Variants in DLGAP2 observed in about 807,000 individuals in gnomAD.
DLGAP2 encodes the protein DLG associated protein 2.
Under a neutral mutation model 100.3 loss-of-function variants are expected in DLGAP2, and 26 were observed. That is an observed-to-expected ratio of 0.26 (90% CI 0.19 to 0.36). The LOEUF is 0.36. Ranked by LOEUF, DLGAP2 falls within the 10% of genes least tolerant of loss-of-function variation. The pLI, the probability that DLGAP2 is intolerant of heterozygous loss-of-function variation, is 1.00. For missense variants in DLGAP2, 1,858 were observed against 1,453.2 expected (o/e 1.28, Z -4.53); for synonymous variants, 886 against 630.1 (o/e 1.41, Z -6.08).
chr8:1,577,185 T>C (rs181192651), intron 6 of DLGAP2, among the ~76,000 whole-genome samples: 7 of 152,186 alleles, frequency 4.6e-5, no homozygotes, highest in African/African-American at 1.7e-4. Flanking sequence ...GATAGCTGTG[T>C]TAATTCACTT....
intron 2 of DLGAP2, among the ~76,000 whole-genome samples, chr8:1,131,937 A>G (rs985148943): frequency 6.6e-6 from 1 of 152,212 alleles, no homozygotes; most frequent in Admixed American, 6.5e-5. Flanking sequence ...GTATCTTCAT[A>G]AGTGTGACTG....
intron 2 of DLGAP2, among the ~76,000 whole-genome samples, chr8:1,061,282 C>T (rs1002193044): frequency 6.6e-6 from 1 of 152,122 alleles, no homozygotes; most frequent in African/African-American, 2.4e-5. Flanking sequence ...TGAAAATATG[C>T]CCGAACACCT....
intron 6 of DLGAP2, among the ~76,000 whole-genome samples, chr8:1,580,269 G>C (rs1803177733): frequency 6.6e-6 from 1 of 152,210 alleles, no homozygotes; most frequent in Admixed American, 6.5e-5. Context: ...GGAAGCAGTG[G>C]AGAGAGGAGA....
chr8:1,424,507 C>G (rs1434082600), intron 3 of DLGAP2, among the ~76,000 whole-genome samples: 1 of 152,226 alleles, frequency 6.6e-6, no homozygotes, highest in Non-Finnish European at 1.5e-5. Flanking sequence ...GAAGGAAATT[C>G]TACACATCCT....
At chr8:1,057,456 C>T (rs975523777) in intron 2 of DLGAP2, among the ~76,000 whole-genome samples, 2 of 152,202 alleles carry the variant, frequency 1.3e-5, no homozygotes, top group African/African-American at 2.4e-5. Flanking sequence ...AGGGCTAAGT[C>T]TTTAATTGAT....
Position 1,446,526 on chromosome 8 carries a change from G to T in DLGAP2, c.107-54840G>T, listed in dbSNP as rs553811219. The stretch of plus-strand genomic sequence containing the variant: ...AGTATAGTTTGAAGTCAGGTAGTGT[G>T]ATGCCTCCAGCTTTGTTCTTTTGGC... On this transcript the variant is annotated intron_variant, in intron 3 of 14. Transcript: ENST00000637795. Among the ~76,000 whole-genome samples the T allele has an allele frequency of 1.1e-3, 173 of 152,292 alleles. 1 individual carries two copies. Among genetic ancestry groups the T allele is most frequent in the Non-Finnish European group, 1.7e-3 (118 of 68,026 alleles).
intron 3 of DLGAP2, among the ~76,000 whole-genome samples, chr8:1,452,924 C>A (rs1429072570): frequency 6.6e-6 from 1 of 152,126 alleles, no homozygotes. Flanking sequence ...TGAGCCCCCA[C>A]CATGCAGTGG....
intron 2 of DLGAP2, among the ~76,000 whole-genome samples, chr8:1,202,102 G>A (rs186308475): frequency 1.2e-4 from 18 of 152,136 alleles, no homozygotes; most frequent in African/African-American, 3.9e-4. Flanking sequence ...GTGTGCACAT[G>A]TGTACAGCAT....
intron 2 of DLGAP2, among the ~76,000 whole-genome samples, chr8:1,168,153 T>C (rs946967994): frequency 2.0e-5 from 3 of 150,594 alleles, no homozygotes; most frequent in African/African-American, 7.3e-5. Context: ...GTTCTTGCCA[T>C]AGTTTACTGA....
At chr8:879,449 G>A (rs1228100839) in intron 1 of DLGAP2, among the ~76,000 whole-genome samples, 1 of 152,208 alleles carries the variant, frequency 6.6e-6, no homozygotes, top group African/African-American at 2.4e-5. Flanking sequence ...CCAGGTGGGG[G>A]TGTTGAGCGC....
chr8:1,081,109 A>G (rs1256519494), intron 2 of DLGAP2, among the ~76,000 whole-genome samples: 1 of 152,174 alleles, frequency 6.6e-6, no homozygotes, highest in African/African-American at 2.4e-5. Flanking sequence ...ATCATTTTTT[A>G]CAATTGAAAT....
intron 2 of DLGAP2, among the ~76,000 whole-genome samples, chr8:1,242,165 C>T (rs538475157): frequency 1.8e-4 from 27 of 152,260 alleles, no homozygotes; most frequent in African/African-American, 3.8e-4. Flanking sequence ...TTAATTAACA[C>T]GAAGACACTA....
At chr8:883,030 C>T (rs1797842456) in intron 1 of DLGAP2, among the ~76,000 whole-genome samples, 1 of 152,264 alleles carries the variant, frequency 6.6e-6, no homozygotes, top group Non-Finnish European at 1.5e-5. Context: ...GGTCCTCTAA[C>T]ACAATCTTCC....
intron 2 of DLGAP2, among the ~76,000 whole-genome samples, chr8:1,095,419 C>T (rs1387018209): frequency 1.3e-5 from 2 of 152,164 alleles, no homozygotes; most frequent in Non-Finnish European, 2.9e-5. Flanking sequence ...TTGTTGGGAT[C>T]CTCCATCAGG....
rs539488439 is a variant in DLGAP2 at position 1,553,294 on chromosome 8, T to C, written c.1230+3611T>C. Among the ~76,000 whole-genome samples the C allele has an allele frequency of 8.2e-4, 125 of 152,296 alleles. 2 individuals are homozygous for C. The highest frequency in any genetic ancestry group is 6.8e-3 in the Middle Eastern group (2 of 294). On this transcript the variant is annotated intron_variant, in intron 5 of 14. Transcript: ENST00000637795. ...CTTCTAGTGTCTTCCCCACCTGGCG[T>C]CGCCCGGCCGCAACCCTGGCCCTCC... is the stretch of plus-strand genomic sequence containing the variant.
chr8:1,521,563 C>G (rs868328647), intron 4 of DLGAP2, among the ~76,000 whole-genome samples: 47 of 11,532 alleles, frequency 4.1e-3, no homozygotes, highest in African/African-American at 0.012. Context: ...TCGGGGGCAG[C>G]TGATATGGGG....
intron 3 of DLGAP2, among the ~76,000 whole-genome samples, chr8:1,316,373 A>G (rs1366350901): frequency 7.2e-6 from 1 of 139,764 alleles, no homozygotes; most frequent in Non-Finnish European, 1.5e-5. Context: ...ACGGTGGTCT[A>G]CACTCGAGAA....
intron 2 of DLGAP2, among the ~76,000 whole-genome samples, chr8:1,009,827 A>G (rs556340802): frequency 3.8e-4 from 58 of 152,238 alleles, no homozygotes; most frequent in Non-Finnish European, 3.7e-4. Context: ...TTTGCAGATT[A>G]TTATCTAAAC....
At position 1,600,949 on chromosome 8, in the gene DLGAP2, C is replaced by T. The variant is rs187554366; in HGVS notation, c.1443-25791C>T. On this transcript the variant is annotated intron_variant, in intron 6 of 14. Coordinates refer to ENST00000637795, the MANE Select transcript of DLGAP2 (RefSeq NM_001346810.2). ...TTGTGATCGTTTGGAGGAGAAGAGG[C>T]TTTCTGGTTTTTGGAATTTTCAACC... is the stretch of plus-strand genomic sequence containing the variant. Among the ~76,000 whole-genome samples the T allele has an allele frequency of 3.8e-4, 58 of 152,300 alleles. 1 individual carries two copies. The highest frequency in any genetic ancestry group is 1.3e-3 in the African/African-American group (55 of 41,564).
Sources: allele counts gnomAD v4.1 joint callset (sites outside exome capture counted in the v4.1 genomes callset), GRCh38; gene constraint gnomAD v4.1.1; transcripts MANE v1.5; gene names NCBI Gene and HGNC (gene_info 2026-07-23, HGNC 2026-07-21).